The following SPEF2 variants were observed in gnomAD, a reference collection of about 807,000 sequenced individuals.
The protein encoded by SPEF2 is sperm flagellar and cilia associated 2.
In SPEF2, 187 loss-of-function variants were observed where a neutral mutation model predicts 224.6. The ratio of observed to expected loss-of-function variants is 0.83; its 90% CI spans 0.74 to 0.94. The LOEUF is 0.94. SPEF2 is among the 40% of genes least tolerant of loss of function. The pLI, the probability that SPEF2 is intolerant of heterozygous loss-of-function variation, is 0.00. For synonymous variants in SPEF2, 715 were observed against 707.3 expected (o/e 1.01, Z -0.17); for missense variants, 2,170 against 2,135.6 (o/e 1.02, Z -0.32).
chr5:35,752,195 G>T (rs1205007330), intron 23 of SPEF2, among the ~76,000 whole-genome samples: 1 of 152,136 alleles, frequency 6.6e-6, no homozygotes, highest in Non-Finnish European at 1.5e-5. Context: ...TTCCTAACAA[G>T]CCATGGATGG....
At chr5:35,665,887 A>G (rs1055281250) in intron 8 of SPEF2, among the ~76,000 whole-genome samples, 10 of 152,206 alleles carry the variant, frequency 6.6e-5, no homozygotes, top group Admixed American at 3.3e-4. Flanking sequence ...CCCAACAAAA[A>G]TGAAATAAGC....
chr5:35,734,709 C>CTTTTTTTT (rs869188623), intron 21 of SPEF2, among the ~76,000 whole-genome samples: 5 of 31,190 alleles, frequency 1.6e-4, no homozygotes, highest in African/African-American at 3.3e-4. Flanking sequence ...TCTTTTTTTT[C>CTTTTTTTT]TTTTTTTTTT....
chr5:35,626,311 G>C (rs917362480), intron 1 of SPEF2, among the ~76,000 whole-genome samples: 2 of 152,226 alleles, frequency 1.3e-5, no homozygotes, highest in African/African-American at 4.8e-5. Flanking sequence ...CATGGGTTTA[G>C]AGTGAGATCA....
At chr5:35,664,632 A>G (rs375792873) in intron 8 of SPEF2, among the ~76,000 whole-genome samples, 3 of 151,860 alleles carry the variant, frequency 2.0e-5, no homozygotes, top group Admixed American at 6.6e-5. Context: ...GTGAGCCGAG[A>G]TAACTCCATT....
intron 30 of SPEF2, among the ~76,000 whole-genome samples, chr5:35,786,977 C>A (rs1755235957): frequency 1.3e-5 from 2 of 152,112 alleles, no homozygotes; most frequent in Admixed American, 6.5e-5. Context: ...TATGATAAAA[C>A]AGGACAACAT....
At chr5:35,621,544 C>G (rs565889160) in intron 1 of SPEF2, among the ~76,000 whole-genome samples, 1 of 152,240 alleles carries the variant, frequency 6.6e-6, no homozygotes, top group South Asian at 2.1e-4. Context: ...TTCACTTGAG[C>G]TCTTTTTATA....
In SPEF2 at chr5:35,697,781, T is replaced by G. The variant is rs374199138; in HGVS notation, c.2129T>G (p.Val710Gly). 8.1e-6 allele frequency: 13 copies of G among 1,610,208 alleles called. No individual in the cohort carries two copies. The African/African-American group carries it at 1.5e-4, about 18-fold the overall frequency. Reference sequence around the variant, plus strand: ...GATGTGCTGCTTGTTGACATCATAGTAAATGCTATTAAGTATGTATTGCAT... The same window carrying G: ...GATGTGCTGCTTGTTGACATCATAGGAAATGCTATTAAGTATGTATTGCAT... ...IPDVLLVDII[V>G]NAINEIPVNQ... Residue 710 changes from valine (V) to glycine (G), a missense_variant, in exon 15 of 37, where the codon GTA (valine) becomes GGA (glycine). Physicochemically the swap from Val to Gly is moderately radical, Grantham distance 109. Coordinates refer to ENST00000356031, the MANE Select transcript of SPEF2 (RefSeq NM_024867.4).
At chr5:35,688,078 C>T (rs1753915562) in intron 10 of SPEF2, among the ~76,000 whole-genome samples, 2 of 152,154 alleles carry the variant, frequency 1.3e-5, no homozygotes, top group South Asian at 2.1e-4. Context: ...CAAGGTTAAA[C>T]TTCCAAAGAA....
chr5:35,803,381 G>T (rs1757692854), intron 34 of SPEF2, among the ~76,000 whole-genome samples: 1 of 152,218 alleles, frequency 6.6e-6, no homozygotes, highest in African/African-American at 2.4e-5. Flanking sequence ...GTGTGCTAGT[G>T]TTCCTACCCG....
chr5:35,730,987 AAGGAT>A (rs2149666139), intron 21 of SPEF2, among the ~76,000 whole-genome samples: 1 of 152,300 alleles, frequency 6.6e-6, no homozygotes, highest in South Asian at 2.1e-4. Context: ...AAAATTATGA[AAGGAT>A]AGGAATTTAG....
chr5:35,754,256 T>A (rs4869587), intron 24 of SPEF2, among the ~76,000 whole-genome samples: 1 of 152,172 alleles, frequency 6.6e-6, no homozygotes, highest in African/African-American at 2.4e-5. Context: ...CTATTAAATT[T>A]AAAAAAATTG....
chr5:35,789,754 G>A (rs187179673), intron 30 of SPEF2: 1 of 698,856 alleles, frequency 1.4e-6, no homozygotes, highest in South Asian at 1.5e-5. Flanking sequence ...CATGGTCTGT[G>A]TGAGTTTCTT....
At chr5:35,770,526 C>T (rs2149780391) in intron 26 of SPEF2, among the ~76,000 whole-genome samples, 1 of 152,248 alleles carries the variant, frequency 6.6e-6, no homozygotes, top group Middle Eastern at 3.4e-3. Flanking sequence ...ACTCACCCAC[C>T]CCAGCCCCTG....
rs149394488 is a variant in SPEF2, at chr5:35,633,748, C to A, written c.161+5186C>A. 1.9e-3 allele frequency among the ~76,000 whole-genome samples: 288 copies of A among 151,838 alleles called. 3 individuals are homozygous for A. The highest frequency in any genetic ancestry group is 6.5e-3 in the African/African-American group (271 of 41,458). Reference sequence around the variant, plus strand: ...ATATTTTCTAATACCATTTTAATTCCCTTATTGTTTCTTTTACTGTATTTT... The same window carrying A: ...ATATTTTCTAATACCATTTTAATTCACTTATTGTTTCTTTTACTGTATTTT... On this transcript the variant is annotated intron_variant, in intron 2 of 36. Coordinates refer to ENST00000356031, the MANE Select transcript of SPEF2 (RefSeq NM_024867.4).
At chr5:35,758,860 G>A (rs1485257044) in intron 24 of SPEF2, among the ~76,000 whole-genome samples, 1 of 151,892 alleles carries the variant, frequency 6.6e-6, no homozygotes, top group Non-Finnish European at 1.5e-5. Flanking sequence ...ATAAATATTA[G>A]GAGGGCATGG....
intron 20 of SPEF2, among the ~76,000 whole-genome samples, chr5:35,725,892 TA>T (rs1404022905): frequency 1.3e-5 from 2 of 152,218 alleles, no homozygotes; most frequent in African/African-American, 4.8e-5. Context: ...CACCATATGC[TA>T]ATCCATAGAT....
chr5:35,768,555 T>A (rs1752389785), intron 26 of SPEF2, among the ~76,000 whole-genome samples: 1 of 152,142 alleles, frequency 6.6e-6, no homozygotes, highest in South Asian at 2.1e-4. Context: ...CTTTATTGAA[T>A]GGCTGAAAAA....
chr5:35,784,487 G>T (rs1304343630), intron 30 of SPEF2, among the ~76,000 whole-genome samples: 1 of 152,120 alleles, frequency 6.6e-6, no homozygotes, highest in African/African-American at 2.4e-5. Flanking sequence ...AGAACTTTAG[G>T]CTGTAGTGGT....
chr5:35,623,366 T>G (rs1339486503), intron 1 of SPEF2, among the ~76,000 whole-genome samples: 1 of 152,162 alleles, frequency 6.6e-6, no homozygotes, highest in South Asian at 2.1e-4. Flanking sequence ...GCTTTTTAAA[T>G]GTAGTTGATA....
Sources: gnomAD v4.1 joint callset for allele counts (sites outside exome capture counted in the v4.1 genomes callset) on GRCh38, gnomAD v4.1.1 for gene constraint, MANE v1.5 for transcripts, NCBI Gene and HGNC (gene_info 2026-07-23, HGNC 2026-07-21) for gene names.